CD302: variants seen among roughly 807,000 people sequenced by gnomAD.
The protein encoded by CD302 is CD302 molecule, also known as CD302 antigen.
A neutral mutation model predicts 26.5 loss-of-function variants in CD302; 23 were observed. The observed-to-expected ratio is 0.87, with a 90% CI of 0.62 to 1.23. The LOEUF (loss-of-function observed/expected upper bound fraction) is 1.23, where lower values mean the gene tolerates loss of function less well. Among genes scored for constraint, CD302 ranks in the 50% most tolerant of loss-of-function variants. CD302 has a pLI of 0.00. For synonymous variants in CD302, 90 were observed against 99.4 expected (o/e 0.91, Z 0.56); for missense variants, 290 against 275.5 (o/e 1.05, Z -0.37).
chr2:159,783,266 A>G (rs1336849271), intron 2 of CD302, 93 bp downstream of exon 2: 1 of 1,034,352 alleles, frequency 9.7e-7, no homozygotes, highest in Admixed American at 3.0e-5. Flanking sequence ...ACCCAGTTAA[A>G]AGTCAGATGT....
chr2:159,779,039 G>T (rs573466368), intron 4 of CD302, among the ~76,000 whole-genome samples: 2 of 151,968 alleles, frequency 1.3e-5, no homozygotes, highest in African/African-American at 4.8e-5. Context: ...AGACCAGCCT[G>T]GCCAATATGG....
intron 1 of CD302, among the ~76,000 whole-genome samples, chr2:159,785,243 G>C (rs1213906391): frequency 6.6e-6 from 1 of 152,052 alleles, no homozygotes; most frequent in East Asian, 1.9e-4. Context: ...CCGAAGTGCT[G>C]GGATTACAAG....
intron 1 of CD302, among the ~76,000 whole-genome samples, chr2:159,785,065 C>T (rs1048470502): frequency 6.6e-6 from 1 of 151,152 alleles, no homozygotes; most frequent in Non-Finnish European, 1.5e-5. Flanking sequence ...ACCTCCGCCT[C>T]CCAGGCTCAA....
intron 5 of CD302, among the ~76,000 whole-genome samples, chr2:159,777,487 C>T (rs142054265): frequency 2.0e-5 from 3 of 152,150 alleles, no homozygotes; most frequent in African/African-American, 7.2e-5. Context: ...ATATACTTGC[C>T]CTATGACCCA....
chr2:159,782,466 C>T (rs1242563009), intron 2 of CD302, among the ~76,000 whole-genome samples: 1 of 145,828 alleles, frequency 6.9e-6, no homozygotes, highest in Admixed American at 6.8e-5. Context: ...GATGCAGTGG[C>T]TCACACCTGT....
At position 159,770,943 on chromosome 2, in the gene CD302, C is replaced by G. The variant is rs1708127593; in HGVS notation, c.*908G>C. On this transcript the variant is annotated 3_prime_UTR_variant, in exon 6 of 6. Coordinates refer to ENST00000259053, the MANE Select transcript of CD302 (RefSeq NM_014880.5). Reference sequence around the variant, plus strand: ...TGGTGAGGAAAATTACTCGTTTCAGCTTTTTCATTTTTTTACTCCCCAAAT... The same window carrying G: ...TGGTGAGGAAAATTACTCGTTTCAGGTTTTTCATTTTTTTACTCCCCAAAT... The G allele has an allele frequency of 4.6e-5, 7 of 152,100 alleles. No homozygotes were observed. 9.4% of individuals were successfully genotyped at this position (152,100 alleles called of 1,614,324 possible).
chr2:159,773,156 C>T (rs1708207853), intron 5 of CD302, among the ~76,000 whole-genome samples: 2 of 152,192 alleles, frequency 1.3e-5, no homozygotes. Flanking sequence ...GCTGAGATGA[C>T]AGGCGCACGC....
intron 1 of CD302, among the ~76,000 whole-genome samples, chr2:159,787,024 CATTTT>C (rs1211420064): frequency 6.6e-6 from 1 of 152,288 alleles, no homozygotes; most frequent in East Asian, 1.9e-4. Flanking sequence ...CTTTAAAAAT[CATTTT>C]ATTTAAGACT....
chr2:159,771,809 C>A lies in CD302; in HGVS notation c.*42G>T, dbSNP rs1177562691. ...AAAATCTTTCCCAAGTTATCTCTGC[C>A]AGGGCATTTTGTTGATGTCTTAGTG... On this transcript the variant is annotated 3_prime_UTR_variant, in exon 6 of 6. Transcript: ENST00000259053. The A allele has an allele frequency of 8.1e-6, 13 of 1,600,454 alleles. No individual in the cohort carries two copies. Among genetic ancestry groups the A allele is most frequent in the Non-Finnish European group, 9.4e-6 (11 of 1,169,674 alleles).
chr2:159,790,711 C>A (rs1297248800), intron 1 of CD302, among the ~76,000 whole-genome samples: 1 of 152,126 alleles, frequency 6.6e-6, no homozygotes, highest in African/African-American at 2.4e-5. Flanking sequence ...AACTGCATTA[C>A]CACACTGAAT....
At chr2:159,781,062 CA>C in intron 2 of CD302, 64 bp from the exon 3 acceptor site, 5 of 1,305,008 alleles carry the variant, frequency 3.8e-6, no homozygotes, top group Non-Finnish European at 5.3e-6. Context: ...TCACTAGGTA[CA>C]TAAAAATAAT....
chr2:159,782,670 A>G (rs1411871307), intron 2 of CD302, among the ~76,000 whole-genome samples: 1 of 151,404 alleles, frequency 6.6e-6, no homozygotes, highest in African/African-American at 2.4e-5. Context: ...GGCTGTAGTG[A>G]GCTATGATCA....
intron 1 of CD302, among the ~76,000 whole-genome samples, chr2:159,789,054 G>A (rs1406322024): frequency 6.6e-6 from 1 of 151,500 alleles, no homozygotes. Context: ...ATCTCTCTCT[G>A]TCACCCAGGC....
chr2:159,784,967 A>G (rs1708627027), intron 1 of CD302, among the ~76,000 whole-genome samples: 1 of 133,412 alleles, frequency 7.5e-6, no homozygotes. Context: ...CTGTATCCGT[A>G]CAGACTTTTT....
chr2:159,790,322 A>G (rs894023044), intron 1 of CD302, among the ~76,000 whole-genome samples: 1 of 152,202 alleles, frequency 6.6e-6, no homozygotes, highest in African/African-American at 2.4e-5. Context: ...AGTAGGCAAT[A>G]TTTAAGCTAC....
Position 159,783,463 on chromosome 2 carries a change from G to A in CD302, c.74C>T (p.Pro25Leu). The A allele has an allele frequency of 6.3e-7, 1 of 1,595,600 alleles. No homozygotes were observed. Among genetic ancestry groups the A allele is most frequent in the East Asian group, 2.2e-5 (1 of 44,642 alleles). Residue 25 changes from proline (P) to leucine (L), a missense_variant, in exon 2 of 6, where the codon CCT becomes CTT. Pro to Leu is a moderately conservative substitution (Grantham distance 98). Transcript: ENST00000259053. ...TTGGAACTGAATCCAAGTAGATGAAGGACAGTCTATGTAGAAAAAAGAAGA... is the reference window on the plus strand; with the variant it reads ...TTGGAACTGAATCCAAGTAGATGAAAGACAGTCTATGTAGAAAAAAGAAGA... The part of the protein sequence containing the change: ...GLAAAAVADC[P>L]SSTWIQFQDS...
chr2:159,798,099 ACG>A, intron 1 of CD302, 31 bp downstream of exon 1: 1 of 1,492,892 alleles, frequency 6.7e-7, no homozygotes, highest in Non-Finnish European at 8.9e-7. Context: ...GCGGTCGCGC[ACG>A]GTCCCGGCGA....
At chr2:159,796,837 A>G (rs915613848) in intron 1 of CD302, among the ~76,000 whole-genome samples, 1 of 152,336 alleles carries the variant, frequency 6.6e-6, no homozygotes, top group Admixed American at 6.5e-5. Context: ...AAATCTGACA[A>G]GAAAATTCGA....
At chr2:159,781,092 C>CTA in intron 2 of CD302, 94 bp from the exon 3 acceptor site, 4 of 970,796 alleles carry the variant, frequency 4.1e-6, no homozygotes, top group South Asian at 1.6e-5. Context: ...GCTTAACTTT[C>CTA]TATATATATT....
Sources: gnomAD v4.1 joint callset for allele counts (sites outside exome capture counted in the v4.1 genomes callset) on GRCh38, gnomAD v4.1.1 for gene constraint, MANE v1.5 for transcripts, NCBI Gene and HGNC (gene_info 2026-07-23, HGNC 2026-07-21) for gene names.